Variants in STOX1 observed in about 807,000 individuals in gnomAD.
STOX1 encodes the protein storkhead box 1, also known as storkhead-box protein 1.
In STOX1, 57 loss-of-function variants were observed where a neutral mutation model predicts 74.8. That is an observed-to-expected ratio of 0.76 (90% CI 0.62 to 0.95). The LOEUF (loss-of-function observed/expected upper bound fraction) is 0.95. STOX1 is among the 40% of genes least tolerant of loss of function. The pLI is 0.00. For synonymous variants in STOX1, 375 were observed against 401.3 expected, an observed-to-expected ratio of 0.93 and a Z score of 0.78; for missense variants, 1,010 against 1,117.0, an observed-to-expected ratio of 0.90 and a Z score of 1.37.
At chr10:68,847,405 G>GTTTGTTTT (rs1839879959) in intron 1 of STOX1, among the ~76,000 whole-genome samples, 1 of 150,672 alleles carries the variant, frequency 6.6e-6, no homozygotes, top group Non-Finnish European at 1.5e-5. Flanking sequence ...GAAGGTAGAA[G>GTTTGTTTT]GTTTTGTTTT....
At chr10:68,895,119 G>A (rs1185937901), downstream of STOX1, 1 of 152,198 alleles carries the variant, frequency 6.6e-6, no homozygotes, top group East Asian at 1.9e-4. Context: ...CAGAAGCTTG[G>A]TGATCCCTTT....
intron 1 of STOX1, among the ~76,000 whole-genome samples, chr10:68,871,620 G>C (rs1177812012): frequency 6.6e-6 from 1 of 152,196 alleles, no homozygotes; most frequent in African/African-American, 2.4e-5. Context: ...ATTACCCTTA[G>C]ATCTGCAGCC....
At chr10:68,857,241 G>A (rs557401072) in intron 1 of STOX1, among the ~76,000 whole-genome samples, 1 of 151,774 alleles carries the variant, frequency 6.6e-6, no homozygotes, top group Non-Finnish European at 1.5e-5. Context: ...AAAATCTCCA[G>A]CCGTAGTGGT....
chr10:68,843,596 A>G (rs1321419488), intron 1 of STOX1, among the ~76,000 whole-genome samples: 1 of 151,890 alleles, frequency 6.6e-6, no homozygotes, highest in Non-Finnish European at 1.5e-5. Flanking sequence ...GCTGGAGTGC[A>G]ATGGAGCGAC....
At chr10:68,838,232 A>G (rs1381648026) in intron 1 of STOX1, among the ~76,000 whole-genome samples, 1 of 151,688 alleles carries the variant, frequency 6.6e-6, no homozygotes, top group African/African-American at 2.4e-5. Context: ...ACACCCAGCT[A>G]ATTTTTGTGT....
intron 1 of STOX1, among the ~76,000 whole-genome samples, chr10:68,881,184 A>C (rs1215136904): frequency 6.6e-6 from 1 of 152,198 alleles, no homozygotes; most frequent in Admixed American, 6.5e-5. Flanking sequence ...TATCCAGCAG[A>C]ATCCAATACT....
Position 68,886,001 on chromosome 10 carries a change from A to G in STOX1, c.2205A>G (p.Leu735=), listed in dbSNP as rs1287692559. 6.2e-7 allele frequency: 1 copy of G among 1,614,234 alleles called. No individual in the cohort carries two copies. The highest frequency in any genetic ancestry group is 1.1e-5 in the South Asian group (1 of 91,080). ...VEDDDGACSS[L]YLEEDDISEN... ...ATGATGATGGTGCCTGTAGTTCATT[A>G]TATCTAGAGGAGGATGACATTTCTG... The change falls in exon 3 of 4, where the codon TTA becomes TTG. Residue 735 remains leucine (L), a synonymous_variant. Coordinates refer to ENST00000298596, the MANE Select transcript of STOX1 (RefSeq NM_152709.5).
chr10:68,885,432 A>G lies in STOX1; in HGVS notation c.1636A>G (p.Lys546Glu). The change falls in exon 3 of 4, where the codon AAA becomes GAA. Residue 546 changes from lysine to glutamate, a missense_variant. Lys to Glu is a moderately conservative substitution (Grantham distance 56). Transcript: ENST00000298596. Reference sequence around the variant, plus strand: ...GGATTCCTCAAGAATCTTTGATGGTAAAGCCAAAGAGCCATATGCTGAACA... The same window carrying G: ...GGATTCCTCAAGAATCTTTGATGGTGAAGCCAAAGAGCCATATGCTGAACA... The part of the protein sequence containing the change: ...SLDSSRIFDG[K>E]AKEPYAEQPN... 6.2e-7 allele frequency: 1 copy of G among 1,614,210 alleles called. No homozygotes were observed. Among genetic ancestry groups the G allele is most frequent in the South Asian group, 1.1e-5 (1 of 91,082 alleles).
chr10:68,832,155 C>T (rs1259026580), intron 1 of STOX1, among the ~76,000 whole-genome samples: 1 of 152,054 alleles, frequency 6.6e-6, no homozygotes, highest in Non-Finnish European at 1.5e-5. Context: ...GCTGCCTAAC[C>T]AGCTGAGCCA....
chr10:68,886,601 T>A lies in STOX1; in HGVS notation c.2805T>A (p.Ser935Arg), dbSNP rs753058096. The A allele has an allele frequency of 6.2e-7, 1 of 1,614,030 alleles. No homozygotes were observed. The highest frequency in any genetic ancestry group is 8.5e-7 in the Non-Finnish European group (1 of 1,179,980). Residue 935 changes from serine (S) to arginine (R), a missense_variant, in exon 3 of 4, where the codon AGT becomes AGA. Transcript: ENST00000298596. ...GTENHSMAGD[S>R]GIDSPRTQSL... ...AAAATCACAGCATGGCAGGAGATAG[T>A]GGAATAGATTCTCCACGGTAGGTCC...
At chr10:68,888,051 ACTTATT>A (rs1277262198) in intron 3 of STOX1, among the ~76,000 whole-genome samples, 3 of 151,724 alleles carry the variant, frequency 2.0e-5, no homozygotes, top group East Asian at 3.9e-4. Flanking sequence ...AAACACCTAT[ACTTATT>A]CTAACACACA....
intron 1 of STOX1, among the ~76,000 whole-genome samples, chr10:68,858,024 C>T (rs894820099): frequency 3.9e-5 from 6 of 152,252 alleles, no homozygotes; most frequent in African/African-American, 1.2e-4. Flanking sequence ...GATGTTGGAG[C>T]TCCTTTTCTA....
At chr10:68,851,984 A>G (rs1292338941) in intron 1 of STOX1, among the ~76,000 whole-genome samples, 3 of 151,784 alleles carry the variant, frequency 2.0e-5, no homozygotes, top group Admixed American at 6.6e-5. Flanking sequence ...AAATACAAAA[A>G]TTAGCCAGGC....
chr10:68,887,845 T>C (rs1451445317), intron 3 of STOX1, among the ~76,000 whole-genome samples: 1 of 152,130 alleles, frequency 6.6e-6, no homozygotes, highest in African/African-American at 2.4e-5. Context: ...TCCGCCCTCC[T>C]CAGCCTCCCA....
intron 1 of STOX1, among the ~76,000 whole-genome samples, chr10:68,877,879 T>C (rs1032345452): frequency 1.2e-4 from 18 of 152,210 alleles, no homozygotes; most frequent in African/African-American, 4.3e-4. Context: ...AAGGGAAACT[T>C]TTCCCCCCTC....
At chr10:68,843,154 T>A (rs989463550) in intron 1 of STOX1, among the ~76,000 whole-genome samples, 9 of 152,190 alleles carry the variant, frequency 5.9e-5, no homozygotes, top group African/African-American at 2.2e-4. Context: ...TCCTTCTGCC[T>A]CAGCCTCCTG....
At chr10:68,829,069 G>T (rs1839339978) in intron 1 of STOX1, 1 of 851,134 alleles carries the variant, frequency 1.2e-6, no homozygotes, top group Non-Finnish European at 1.4e-6. Context: ...TTGATGGTGT[G>T]TTGACAAGTC....
At position 68,882,078 on chromosome 10, in the gene STOX1, C is replaced by T. The variant is rs763186775; in HGVS notation, c.431C>T (p.Ser144Leu). ...NTAQIVVTQE[S>L]LLERLMKHYP... Reference sequence around the variant, plus strand: ...GCTCAGATTGTAGTAACGCAGGAATCACTTTTGGAGCGTTTGATGAAACAT... The same window carrying T: ...GCTCAGATTGTAGTAACGCAGGAATTACTTTTGGAGCGTTTGATGAAACAT... Residue 144 changes from serine to leucine, a missense_variant, in exon 2 of 4, where the codon TCA (serine) becomes TTA (leucine). Transcript: ENST00000298596. 1.2e-6 allele frequency: 2 copies of T among 1,613,774 alleles called. No individual in the cohort carries two copies. Among genetic ancestry groups the T allele is most frequent in the East Asian group, 2.2e-5 (1 of 44,814 alleles).
Position 68,874,262 on chromosome 10 carries a change from A to G in STOX1, c.311-7696A>G, listed in dbSNP as rs149884151. ...CCCCTACTCTGAAGACCCTCACCCAACAGATTCACTGGCACATAAACCTCA... is the reference window on the plus strand; with the variant it reads ...CCCCTACTCTGAAGACCCTCACCCAGCAGATTCACTGGCACATAAACCTCA... On this transcript the variant is annotated intron_variant, in intron 1 of 3. Coordinates refer to ENST00000298596, the MANE Select transcript of STOX1 (RefSeq NM_152709.5). Among the ~76,000 whole-genome samples the G allele has an allele frequency of 5.3e-3, 804 of 151,882 alleles. 1 individual carries two copies. Among genetic ancestry groups the G allele is most frequent in the Non-Finnish European group, 8.7e-3 (593 of 67,944 alleles).
Sources: gnomAD v4.1 joint callset for allele counts (sites outside exome capture counted in the v4.1 genomes callset) on GRCh38, gnomAD v4.1.1 for gene constraint, MANE v1.5 for transcripts, NCBI Gene and HGNC (gene_info 2026-07-23, HGNC 2026-07-21) for gene names.